Variants in TP53BP1 observed in about 807,000 individuals in gnomAD.
TP53BP1 encodes the protein tumor protein p53 binding protein 1.
In TP53BP1, 61 loss-of-function variants were observed where a neutral mutation model predicts 200.8. That is an observed-to-expected ratio of 0.30 (90% CI 0.25 to 0.38). The LOEUF (loss-of-function observed/expected upper bound fraction) is 0.38, where lower values mean the gene tolerates loss of function less well. Ranked by LOEUF, TP53BP1 falls within the 10% of genes least tolerant of loss-of-function variation. TP53BP1 has a pLI of 1.00. For missense variants in TP53BP1, 2,144 were observed against 2,371.9 expected, an observed-to-expected ratio of 0.90 and a Z score of 2.00; for synonymous variants, 822 against 844.3, an observed-to-expected ratio of 0.97 and a Z score of 0.46.
intron 4 of TP53BP1, among the ~76,000 whole-genome samples, chr15:43,486,532 A>T (rs2079049370): frequency 6.6e-6 from 1 of 152,168 alleles, no homozygotes; most frequent in African/African-American, 2.4e-5. Context: ...AAGAAGTAAA[A>T]CCATAAACAG....
chr15:43,434,254 T>C (rs1010047484), intron 16 of TP53BP1, among the ~76,000 whole-genome samples: 4 of 152,216 alleles, frequency 2.6e-5, no homozygotes, highest in Non-Finnish European at 4.4e-5. Context: ...ATATTGAGCA[T>C]AGCAGATGCT....
intron 4 of TP53BP1, among the ~76,000 whole-genome samples, chr15:43,487,961 A>G (rs921897461): frequency 6.6e-6 from 1 of 152,166 alleles, no homozygotes. Context: ...CTATTGATAC[A>G]TGCAAAAACA....
intron 1 of TP53BP1, among the ~76,000 whole-genome samples, chr15:43,508,903 C>A (rs1353203133): frequency 6.6e-6 from 1 of 152,134 alleles, no homozygotes; most frequent in Non-Finnish European, 1.5e-5. Context: ...TGAGTTTCTG[C>A]CCCTACCATC....
At chr15:43,487,120 T>C (rs968371180) in intron 4 of TP53BP1, among the ~76,000 whole-genome samples, 1 of 151,636 alleles carries the variant, frequency 6.6e-6, no homozygotes, top group African/African-American at 2.4e-5. Flanking sequence ...CAAAACACAA[T>C]AGTAAAAAGA....
In TP53BP1 at chr15:43,453,690, A is replaced by G. The variant is rs536533291; in HGVS notation, c.2716+2202T>C. Among the ~76,000 whole-genome samples the G allele has an allele frequency of 4.0e-5, 6 of 151,184 alleles. No homozygotes were observed. In the South Asian group the frequency reaches 1.3e-3, roughly 32 times the overall value. On this transcript the variant is annotated intron_variant, in intron 12 of 27. Transcript: ENST00000382044. ...CTCCAGAGTAGCTGGGACTACAGGC[A>G]CCCGTCATCATTCCAGGCTAATTTT...
chr15:43,442,082 ATTTTTTT>A (rs1158826286), intron 14 of TP53BP1, among the ~76,000 whole-genome samples: 2 of 123,522 alleles, frequency 1.6e-5, no homozygotes, highest in Non-Finnish European at 3.5e-5. Flanking sequence ...ATTTGTTTTA[ATTTTTTT>A]TTTTTTTTTT....
chr15:43,497,563 T>C (rs983884218), upstream of TP53BP1: 1 of 429,558 alleles, frequency 2.3e-6, no homozygotes, highest in African/African-American at 2.1e-5. Context: ...TCGAGAGTGA[T>C]ATGAACATGC....
chr15:43,477,796 AG>A (rs1328207476), intron 7 of TP53BP1, 37 bp from the exon 8 acceptor site: 1 of 1,444,706 alleles, frequency 6.9e-7, no homozygotes, highest in African/African-American at 1.4e-5. Flanking sequence ...AAAGTTCCTA[AG>A]TTCAAATGTT....
At position 43,413,337 on chromosome 15, in the gene TP53BP1, G is replaced by A. The variant is rs2045177012; in HGVS notation, c.5090-3C>T. 1 of 1,612,464 alleles carries A rather than the reference G, an allele frequency of 6.2e-7. No individual in the cohort carries two copies. ...AAACTCTCCTGCCCCTACTGCACCT[G>A]GGAAGGACAGGGGCACAGTTACTAG... On this transcript the variant is annotated splice_region_variant and splice_polypyrimidine_tract_variant and intron_variant, in intron 23 of 27. Coordinates refer to ENST00000382044, the MANE Select transcript of TP53BP1 (RefSeq NM_001141980.3).
Position 43,423,854 on chromosome 15 carries a change from T to G in TP53BP1, c.3829-1728A>C, listed in dbSNP as rs543579296. 2.0e-5 allele frequency among the ~76,000 whole-genome samples: 3 copies of G among 152,310 alleles called. No individual in the cohort carries two copies. In the South Asian group the frequency reaches 6.2e-4, roughly 32 times the overall value. ...TTTGGCTACTTCTATTTATGCTTCT[T>G]TGGGTTCCTCTTTCTCTGTGTGTTC... On this transcript the variant is annotated intron_variant, in intron 18 of 27. Coordinates refer to ENST00000382044, the MANE Select transcript of TP53BP1 (RefSeq NM_001141980.3).
chr15:43,479,175 T>C (rs577190359), intron 7 of TP53BP1, among the ~76,000 whole-genome samples: 24 of 152,202 alleles, frequency 1.6e-4, no homozygotes, highest in Admixed American at 9.1e-4. Context: ...CAGGGCAACA[T>C]AGTGAGACTT....
At chr15:43,419,885 C>CT (rs1442900817) in intron 21 of TP53BP1, among the ~76,000 whole-genome samples, 4 of 152,012 alleles carry the variant, frequency 2.6e-5, no homozygotes, top group Non-Finnish European at 4.4e-5. Flanking sequence ...ATGTTGGATG[C>CT]TGGAAGAGAA....
At chr15:43,499,774 G>A (rs1325163223) in intron 1 of TP53BP1, among the ~76,000 whole-genome samples, 1 of 152,178 alleles carries the variant, frequency 6.6e-6, no homozygotes, top group Admixed American at 6.5e-5. Flanking sequence ...TCACTTAAAT[G>A]CAAGGTACCA....
intron 12 of TP53BP1, among the ~76,000 whole-genome samples, chr15:43,449,980 AT>A (rs1333792508): frequency 1.3e-5 from 2 of 152,208 alleles, no homozygotes. Context: ...TTGCTGGTAT[AT>A]TTTATCCTTT....
upstream of TP53BP1, among the ~76,000 whole-genome samples, chr15:43,494,307 G>A (rs1431134752): frequency 6.6e-6 from 1 of 152,166 alleles, no homozygotes; most frequent in Non-Finnish European, 1.5e-5. Context: ...AATTCAGCAC[G>A]TGATATAGGC....
At position 43,405,261 on chromosome 15, in the gene TP53BP1, G is replaced by A. The variant is rs3742973; in HGVS notation, c.*2122C>T. The A allele has an allele frequency of 2.8e-4, 457 of 1,607,472 alleles. 3 individuals carry two copies. The East Asian group carries it at 9.4e-3, about 33-fold the overall frequency. ...AAATAACAGCCACGTTCCCAAGGTT[G>A]TAACAGAAGATTCAAAACATCCCAT... On this transcript the variant is annotated 3_prime_UTR_variant, in exon 28 of 28. Coordinates refer to ENST00000382044, the MANE Select transcript of TP53BP1 (RefSeq NM_001141980.3).
At chr15:43,467,083 C>G (rs1389883975) in intron 11 of TP53BP1, among the ~76,000 whole-genome samples, 1 of 149,816 alleles carries the variant, frequency 6.7e-6, no homozygotes, top group Admixed American at 6.7e-5. Context: ...GAGACAAGGT[C>G]TCACTCTGTT....
At chr15:43,455,244 A>G (rs549688936) in intron 12 of TP53BP1, among the ~76,000 whole-genome samples, 1 of 152,194 alleles carries the variant, frequency 6.6e-6, no homozygotes, top group Non-Finnish European at 1.5e-5. Context: ...AGAGTTAATC[A>G]AAAAAGATCC....
intron 24 of TP53BP1, among the ~76,000 whole-genome samples, chr15:43,412,394 G>A (rs1464963926): frequency 6.6e-6 from 1 of 152,076 alleles, no homozygotes; most frequent in Non-Finnish European, 1.5e-5. Flanking sequence ...AGCCTTTACA[G>A]ACACATTCAG....
Sources: allele counts gnomAD v4.1 joint callset (sites outside exome capture counted in the v4.1 genomes callset), GRCh38; gene constraint gnomAD v4.1.1; transcripts MANE v1.5; gene names NCBI Gene and HGNC (gene_info 2026-07-23, HGNC 2026-07-21).